CSMD3: variants seen among roughly 807,000 people sequenced by gnomAD.
CSMD3 encodes the protein CUB and Sushi multiple domains 3.
In CSMD3, 177 loss-of-function variants were observed where a neutral mutation model predicts 435.2. The observed-to-expected ratio is 0.41, with a 90% CI of 0.36 to 0.46. The LOEUF (loss-of-function observed/expected upper bound fraction) is 0.46, where lower values mean the gene tolerates loss of function less well. Ranked by LOEUF, CSMD3 falls within the 20% of genes least tolerant of loss-of-function variation. The probability of loss-of-function intolerance (pLI) is 0.34; values close to 1 mark genes in which losing one functional copy is unlikely to be tolerated. For missense variants in CSMD3, 4,265 were observed against 4,504.6 expected, an observed-to-expected ratio of 0.95 and a Z score of 1.52; for synonymous variants, 1,656 against 1,520.5, an observed-to-expected ratio of 1.09 and a Z score of -2.07.
At chr8:113,153,206 AAG>A (rs1228576993) in intron 4 of CSMD3, among the ~76,000 whole-genome samples, 1 of 149,180 alleles carries the variant, frequency 6.7e-6, no homozygotes, top group South Asian at 2.1e-4. Flanking sequence ...AAGGGAGGGA[AAG>A]AGAGAGGTAC....
intron 5 of CSMD3, among the ~76,000 whole-genome samples, chr8:113,080,065 G>A (rs1307646959): frequency 6.6e-6 from 1 of 152,046 alleles, no homozygotes; most frequent in Non-Finnish European, 1.5e-5. Flanking sequence ...TTAGGGGAAG[G>A]ACAGAGGATT....
chr8:112,231,461 C>T lies in CSMD3; in HGVS notation c.10828+84G>A, dbSNP rs1056787819. The stretch of plus-strand genomic sequence containing the variant: ...CAGAATTTATAATGCAGTAAGTGTA[C>T]CTAATGTACAGAATCCACAGTCTTT... On this transcript the variant is annotated intron_variant, in intron 69 of 70. Coordinates refer to ENST00000297405, the MANE Select transcript of CSMD3 (RefSeq NM_198123.2). 1.6e-5 allele frequency: 14 copies of T among 861,726 alleles called. No homozygotes were observed. The African/African-American group carries it at 2.2e-4, about 13-fold the overall frequency. 53.4% of individuals were successfully genotyped at this position (861,726 alleles called of 1,614,324 possible). A position where few individuals can be genotyped will look rare whatever the true frequency, so the allele number is the denominator to read the frequency against.
intron 6 of CSMD3, among the ~76,000 whole-genome samples, chr8:112,990,660 G>T (rs1031276482): frequency 6.6e-6 from 1 of 151,876 alleles, no homozygotes; most frequent in Non-Finnish European, 1.5e-5. Flanking sequence ...TAGTTTCTAG[G>T]AATTAAAGAC....
intron 1 of CSMD3, among the ~76,000 whole-genome samples, chr8:113,408,963 C>A (rs1320528549): frequency 2.0e-5 from 3 of 152,010 alleles, no homozygotes; most frequent in African/African-American, 7.3e-5. Context: ...TGGCTAATGC[C>A]CAGCCTATAC....
chr8:113,086,446 T>C (rs1322459536), intron 5 of CSMD3, among the ~76,000 whole-genome samples: 2 of 152,146 alleles, frequency 1.3e-5, no homozygotes, highest in Non-Finnish European at 1.5e-5. Context: ...ATTTGACTTG[T>C]AGAAGTAGAA....
At chr8:112,510,132 C>A (rs1822954689) in intron 28 of CSMD3, among the ~76,000 whole-genome samples, 1 of 152,142 alleles carries the variant, frequency 6.6e-6, no homozygotes, top group Non-Finnish European at 1.5e-5. Flanking sequence ...TTCAACCGGT[C>A]CTTCTTTTCT....
intron 59 of CSMD3, among the ~76,000 whole-genome samples, chr8:112,277,216 T>A (rs1444915244): frequency 6.6e-6 from 1 of 152,202 alleles, no homozygotes; most frequent in Non-Finnish European, 1.5e-5. Context: ...TGAATGCTTT[T>A]TAACAGCACC....
chr8:112,577,244 T>C (rs935515380), intron 23 of CSMD3, among the ~76,000 whole-genome samples: 3 of 152,036 alleles, frequency 2.0e-5, no homozygotes, highest in Non-Finnish European at 4.4e-5. Flanking sequence ...TTTAGTCAAA[T>C]ATATGAAAAC....
chr8:112,994,978 CA>C (rs551494549), intron 6 of CSMD3, among the ~76,000 whole-genome samples: 1 of 151,232 alleles, frequency 6.6e-6, no homozygotes, highest in African/African-American at 2.4e-5. Context: ...AATATTTTAT[CA>C]AAAAATAATA....
intron 22 of CSMD3, among the ~76,000 whole-genome samples, chr8:112,613,419 C>A (rs1209879676): frequency 1.3e-5 from 2 of 152,144 alleles, no homozygotes; most frequent in Non-Finnish European, 2.9e-5. Context: ...AAATCATGCA[C>A]ATTTGAAATA....
chr8:112,430,564 A>T (rs1174371924), intron 32 of CSMD3, among the ~76,000 whole-genome samples: 1 of 151,862 alleles, frequency 6.6e-6, no homozygotes, highest in Non-Finnish European at 1.5e-5. Flanking sequence ...ATATATATAT[A>T]TTTTATGTTT....
intron 13 of CSMD3, among the ~76,000 whole-genome samples, chr8:112,773,352 T>C (rs1376740065): frequency 6.6e-6 from 1 of 152,028 alleles, no homozygotes; most frequent in African/African-American, 2.4e-5. Flanking sequence ...AGTCTAGACT[T>C]GAAAGGGATT....
chr8:113,056,461 C>T (rs1394056690), intron 5 of CSMD3, among the ~76,000 whole-genome samples: 3 of 152,170 alleles, frequency 2.0e-5, no homozygotes, highest in African/African-American at 7.2e-5. Context: ...AACATTTTCA[C>T]CTGGGTTTCT....
chr8:112,883,881 T>G (rs1015956540), intron 10 of CSMD3, among the ~76,000 whole-genome samples: 17 of 151,850 alleles, frequency 1.1e-4, no homozygotes, highest in Non-Finnish European at 2.1e-4. Context: ...AATCAGTACC[T>G]TAATAAAACC....
intron 31 of CSMD3, among the ~76,000 whole-genome samples, chr8:112,478,939 AGAG>A (rs755399969): frequency 3.3e-5 from 5 of 152,174 alleles, no homozygotes; most frequent in Non-Finnish European, 5.9e-5. Flanking sequence ...AGCTATGCAC[AGAG>A]GAGAGAACTG....
At chr8:113,261,438 T>A (rs1242674961) in intron 3 of CSMD3, among the ~76,000 whole-genome samples, 1 of 152,154 alleles carries the variant, frequency 6.6e-6, no homozygotes, top group Non-Finnish European at 1.5e-5. Context: ...CATTGTGACC[T>A]CTTTTTAAAT....
chr8:112,324,964 A>T (rs1323600146), intron 45 of CSMD3, among the ~76,000 whole-genome samples: 1 of 152,102 alleles, frequency 6.6e-6, no homozygotes, highest in Non-Finnish European at 1.5e-5. Flanking sequence ...CATTAAATTA[A>T]AAGTCTTGAT....
At chr8:113,027,319 G>T (rs1050835519) in intron 5 of CSMD3, among the ~76,000 whole-genome samples, 1 of 151,952 alleles carries the variant, frequency 6.6e-6, no homozygotes, top group Non-Finnish European at 1.5e-5. Context: ...AGAAAAACTA[G>T]CATATTCAAA....
chr8:113,006,649 T>C (rs1312666529), intron 6 of CSMD3, among the ~76,000 whole-genome samples: 1 of 151,936 alleles, frequency 6.6e-6, no homozygotes, highest in African/African-American at 2.4e-5. Flanking sequence ...CCTGGTCTTT[T>C]TGTGCTTCTC....
Sources: allele counts gnomAD v4.1 joint callset (sites outside exome capture counted in the v4.1 genomes callset), GRCh38; gene constraint gnomAD v4.1.1; transcripts MANE v1.5; gene names NCBI Gene and HGNC (gene_info 2026-07-23, HGNC 2026-07-21).